Variants in DOCK8 observed in about 807,000 individuals in gnomAD.
DOCK8 encodes dedicator of cytokinesis 8.
DOCK8 carries 141 observed loss-of-function variants against 245.6 expected under a neutral mutation model. The ratio of observed to expected loss-of-function variants is 0.57; its 90% CI spans 0.50 to 0.66. The LOEUF (loss-of-function observed/expected upper bound fraction) is 0.66. Among genes scored for constraint, DOCK8 ranks in the 30% least tolerant of loss-of-function variants. The pLI is 0.00. For synonymous variants in DOCK8, 1,168 were observed against 970.2 expected (o/e 1.20, Z -3.79); for missense variants, 2,965 against 2,603.4 (o/e 1.14, Z -3.02).
intron 5 of DOCK8, among the ~76,000 whole-genome samples, chr9:307,934 A>G (rs1563904318): frequency 6.6e-6 from 1 of 152,216 alleles, no homozygotes; most frequent in South Asian, 2.1e-4. Context: ...AGTCTAGAGG[A>G]TAAGTGAAAT....
intron 1 of DOCK8, among the ~76,000 whole-genome samples, chr9:264,265 A>G (rs511364): frequency 0.48 from 73,680 of 152,084 alleles, 18,204 homozygotes; most frequent in East Asian, 0.79. Flanking sequence ...ACAGTGAGAA[A>G]TCCTTCTCTA....
chr9:309,870 C>T (rs2050019469), intron 5 of DOCK8, among the ~76,000 whole-genome samples: 2 of 152,144 alleles, frequency 1.3e-5, no homozygotes, highest in African/African-American at 4.8e-5. Context: ...AAGACAGGGT[C>T]TCTTTATTTC....
chr9:459,881 CGAGA>C (rs1004172876), intron 46 of DOCK8: 1 of 152,148 alleles, frequency 6.6e-6, no homozygotes, highest in African/African-American at 2.4e-5. Flanking sequence ...TAGTACAGAA[CGAGA>C]GAGAGACAGA....
intron 4 of DOCK8, among the ~76,000 whole-genome samples, chr9:293,806 A>G (rs770764296): frequency 1.3e-5 from 2 of 152,220 alleles, no homozygotes; most frequent in Non-Finnish European, 2.9e-5. Flanking sequence ...GTTGCTGGCC[A>G]TTTGTTAATT....
chr9:214,864 C>A (rs2236547), upstream of DOCK8: 7 of 1,604,794 alleles, frequency 4.4e-6, no homozygotes, highest in African/African-American at 2.7e-5. Flanking sequence ...CAGCGCCGAC[C>A]GACAGACGAG....
chr9:219,554 A>G (rs2046838032), intron 1 of DOCK8, among the ~76,000 whole-genome samples: 2 of 152,214 alleles, frequency 1.3e-5, no homozygotes, highest in African/African-American at 4.8e-5. Context: ...TGAAAGACAA[A>G]AACAAGGTGG....
Position 400,807 on chromosome 9 carries a change from C to T in DOCK8, c.3234+1548C>T, listed in dbSNP as rs866143079. ...CCTCCACCATCACCACCACCTCCAC[C>T]ATCACCACCACCTCCACCATCACCA... On this transcript the variant is annotated intron_variant, in intron 26 of 47. Transcript: ENST00000432829. 5.6e-5 allele frequency among the ~76,000 whole-genome samples: 6 copies of T among 108,002 alleles called. 1 individual carries two copies. The highest frequency in any genetic ancestry group is 3.5e-4 in the South Asian group (1 of 2,872). 70.9% of individuals were successfully genotyped at this position (108,002 alleles called of 152,430 possible).
At chr9:279,442 T>G (rs1030648622) in intron 2 of DOCK8, among the ~76,000 whole-genome samples, 2 of 152,088 alleles carry the variant, frequency 1.3e-5, no homozygotes, top group Non-Finnish European at 1.5e-5. Context: ...GAGAAGAGAT[T>G]TAGAATTGAA....
chr9:232,540 T>C (rs2047140358), intron 1 of DOCK8, among the ~76,000 whole-genome samples: 1 of 152,212 alleles, frequency 6.6e-6, no homozygotes, highest in East Asian at 1.9e-4. Flanking sequence ...CTCTTTTTGG[T>C]TGGTAAGCTA....
At chr9:342,628 C>T (rs747626664) in intron 14 of DOCK8, among the ~76,000 whole-genome samples, 16 of 152,008 alleles carry the variant, frequency 1.1e-4, no homozygotes. Context: ...TGCCACCACA[C>T]CCAGTTAATT....
intron 29 of DOCK8, 68 bp downstream of exon 29, chr9:415,019 A>T (rs1039750243): frequency 1.3e-6 from 2 of 1,590,994 alleles, no homozygotes. Flanking sequence ...TCCGAATGAG[A>T]TCTCTGTCAT....
chr9:399,014 T>A, intron 25 of DOCK8, 132 bp from the exon 26 acceptor site: 1 of 775,878 alleles, frequency 1.3e-6, no homozygotes, highest in Non-Finnish European at 2.2e-6. Context: ...CTCAACTACT[T>A]CGCCCAGTGC....
chr9:263,063 C>T (rs2047955634), intron 1 of DOCK8, among the ~76,000 whole-genome samples: 2 of 151,938 alleles, frequency 1.3e-5, no homozygotes, highest in Admixed American at 6.6e-5. Flanking sequence ...AAAAATGAGC[C>T]GGGCGTGGTG....
intron 26 of DOCK8, among the ~76,000 whole-genome samples, chr9:400,779 CCACCTCCACCAT>C (rs2054938298): frequency 2.3e-5 from 2 of 85,450 alleles, no homozygotes; most frequent in African/African-American, 7.4e-5. Context: ...ACCACCACCA[CCACCTCCACCAT>C]CACCACCACC....
chr9:274,641 T>C (rs636918), intron 2 of DOCK8, among the ~76,000 whole-genome samples: 87,598 of 151,760 alleles, frequency 0.58, 25,875 homozygotes, highest in East Asian at 0.76. Flanking sequence ...CATCAACTTA[T>C]GTGGTGATTT....
intron 14 of DOCK8, among the ~76,000 whole-genome samples, chr9:349,637 C>T (rs1340033953): frequency 6.6e-6 from 1 of 152,190 alleles, no homozygotes; most frequent in African/African-American, 2.4e-5. Flanking sequence ...AGCTTTCTCT[C>T]CTATCAGGGC....
In DOCK8 at chr9:238,176, C is replaced by T; in HGVS notation, c.53+23147C>T. On this transcript the variant is annotated intron_variant, in intron 1 of 47. Transcript: ENST00000432829. ...ATAATAACAATGCACAGAGCCATTGCTACTAACAGAAAGCAGGGCAGACCT... is the reference window on the plus strand; with the variant it reads ...ATAATAACAATGCACAGAGCCATTGTTACTAACAGAAAGCAGGGCAGACCT... 1.3e-5 allele frequency among the ~76,000 whole-genome samples: 2 copies of T among 152,192 alleles called. 1 individual carries two copies. The highest frequency in any genetic ancestry group is 3.9e-4 in the East Asian group (2 of 5,194).
chr9:367,893 C>G (rs1481134388), intron 14 of DOCK8, 125 bp from the exon 15 acceptor site: 3 of 764,078 alleles, frequency 3.9e-6, no homozygotes, highest in East Asian at 2.5e-5. Flanking sequence ...TAATAATTCA[C>G]TTCTGAGAGG....
Position 261,987 on chromosome 9 carries a change from A to AGAAGG in DOCK8, c.54-9640_54-9639insGAAGG, listed in dbSNP as rs2047927188. Among the ~76,000 whole-genome samples, 9 of 134,768 alleles carry AGAAGG rather than the reference A, an allele frequency of 6.7e-5. No individual in the cohort carries two copies. In the Admixed American group the frequency reaches 7.4e-4, roughly 11 times the overall value. The allele number at this position is 134,768 out of a possible 152,430, so 88.4% of individuals were successfully genotyped here. ...TGTCCTTATATTTAAAATGTGTCAA[A>AGAAGG]AGAAAGAAGGAGAAAGAAAGAAAGA... On this transcript the variant is annotated intron_variant, in intron 1 of 47. Transcript: ENST00000432829.
Sources: allele counts gnomAD v4.1 joint callset (sites outside exome capture counted in the v4.1 genomes callset), GRCh38; gene constraint gnomAD v4.1.1; transcripts MANE v1.5; gene names NCBI Gene and HGNC (gene_info 2026-07-23, HGNC 2026-07-21).